DAB1: variants seen among roughly 807,000 people sequenced by gnomAD.
DAB1 encodes the protein DAB adaptor protein 1, also known as disabled homolog 1.
DAB1 carries 15 observed loss-of-function variants against 64.6 expected under a neutral mutation model. The ratio of observed to expected loss-of-function variants is 0.23; its 90% CI spans 0.16 to 0.36. The LOEUF is 0.36. Among genes scored for constraint, DAB1 ranks in the 10% least tolerant of loss-of-function variants. The pLI is 1.00. For missense variants in DAB1, 596 were observed against 706.7 expected (o/e 0.84, Z 1.78); for synonymous variants, 235 against 251.9 (o/e 0.93, Z 0.64).
chr1:58,006,037 C>T (rs1408924), intron 5 of DAB1, among the ~76,000 whole-genome samples: 17 of 151,866 alleles, frequency 1.1e-4, no homozygotes, highest in Non-Finnish European at 1.8e-4. Context: ...GGCAAAATAG[C>T]ACTACTATTG....
intron 1 of DAB1, among the ~76,000 whole-genome samples, chr1:58,545,049 C>T (rs1361130065): frequency 6.6e-6 from 1 of 152,140 alleles, no homozygotes; most frequent in Admixed American, 6.5e-5. Flanking sequence ...GTTGGTTTTC[C>T]ATGGCTTCCA....
chr1:58,539,951 A>G lies in DAB1; in HGVS notation n.32+6752T>C, dbSNP rs561201013. 3.3e-4 allele frequency among the ~76,000 whole-genome samples: 51 copies of G among 152,308 alleles called. No individual in the cohort carries two copies. The Middle Eastern group carries it at 0.01, about 30-fold the overall frequency. ...AAGAGCTGCACAGAGAAATAACTCT[A>G]GAGTTCTGCAGAGAATCCCCCTCCC... On this transcript the variant is annotated intron_variant and non_coding_transcript_variant, in intron 1 of 20. Transcript: ENST00000485760.
intron 3 of DAB1, among the ~76,000 whole-genome samples, chr1:58,369,217 C>A (rs954117818): frequency 2.0e-5 from 3 of 152,094 alleles, no homozygotes; most frequent in Non-Finnish European, 4.4e-5. Flanking sequence ...CTCCATGTTT[C>A]ATATTCCCTC....
At position 58,130,613 on chromosome 1, in the gene DAB1, A is replaced by G. The variant is rs1002515773; in HGVS notation, n.387+19898T>C. Reference sequence around the variant, plus strand: ...GCTGGTACCGGTTGTTCCTTTCCATATTTAGTCCTTCCTTCAGGAGCTCTT... The same window carrying G: ...GCTGGTACCGGTTGTTCCTTTCCATGTTTAGTCCTTCCTTCAGGAGCTCTT... On this transcript the variant is annotated intron_variant and non_coding_transcript_variant, in intron 5 of 20. Coordinates refer to the DAB1 transcript ENST00000485760. Among the ~76,000 whole-genome samples the G allele has an allele frequency of 1.3e-4, 19 of 151,946 alleles. 1 individual carries two copies. The highest frequency in any genetic ancestry group is 2.4e-4 in the Non-Finnish European group (16 of 68,004).
At chr1:57,190,818 C>T (rs1424044322) in intron 2 of DAB1, among the ~76,000 whole-genome samples, 1 of 152,282 alleles carries the variant, frequency 6.6e-6, no homozygotes, top group Admixed American at 6.5e-5. Flanking sequence ...TGATGAGCTA[C>T]ACTGTTGACC....
chr1:57,100,056 G>A (rs974485034), intron 4 of DAB1, among the ~76,000 whole-genome samples: 4 of 152,244 alleles, frequency 2.6e-5, no homozygotes, highest in African/African-American at 7.2e-5. Context: ...GTGATCAAGC[G>A]GTAGATTTGC....
At chr1:57,273,904 C>T (rs748722473) in intron 2 of DAB1, among the ~76,000 whole-genome samples, 37 of 152,124 alleles carry the variant, frequency 2.4e-4, no homozygotes, top group Non-Finnish European at 4.1e-4. Context: ...CCAGGGCCAG[C>T]GGTGAGTCCA....
intron 3 of DAB1, among the ~76,000 whole-genome samples, chr1:58,503,597 G>A (rs534598949): frequency 6.6e-6 from 1 of 152,156 alleles, no homozygotes; most frequent in East Asian, 1.9e-4. Flanking sequence ...TGTCATAAGG[G>A]TGGAGCCCTC....
chr1:57,432,015 A>G (rs1272940346), intron 7 of DAB1, among the ~76,000 whole-genome samples: 1 of 152,006 alleles, frequency 6.6e-6, no homozygotes, highest in Admixed American at 6.6e-5. Context: ...CCAGCTACTC[A>G]GGATGCTGAG....
At chr1:57,947,707 A>T (rs1645204755) in intron 5 of DAB1, among the ~76,000 whole-genome samples, 1 of 152,138 alleles carries the variant, frequency 6.6e-6, no homozygotes, top group Non-Finnish European at 1.5e-5. Context: ...GCCTCAGAAG[A>T]GGGAGAAATT....
rs187721347 is a variant in DAB1 at position 58,048,776 on chromosome 1, G to A, written n.387+101735C>T. 2.8e-4 allele frequency: 340 copies of A among 1,199,738 alleles called. 1 individual carries two copies. In the African/African-American group the frequency reaches 4.7e-3, roughly 16 times the overall value. 74.3% of individuals were successfully genotyped at this position (1,199,738 alleles called of 1,614,324 possible). On this transcript the variant is annotated intron_variant and non_coding_transcript_variant, in intron 5 of 20. Coordinates refer to the DAB1 transcript ENST00000485760. ...AGGGCTTTCCTAACTTCACAGTTGT[G>A]GCCATTCACAGTATAGTATTTCTGA...
chr1:57,273,245 G>A (rs1046139935), intron 2 of DAB1, among the ~76,000 whole-genome samples: 7 of 152,170 alleles, frequency 4.6e-5, no homozygotes, highest in Non-Finnish European at 4.4e-5. Flanking sequence ...TGGGAGTCAC[G>A]AGAATGCACC....
chr1:58,046,858 C>T (rs1331020577), intron 5 of DAB1, among the ~76,000 whole-genome samples: 3 of 152,132 alleles, frequency 2.0e-5, no homozygotes, highest in African/African-American at 7.2e-5. Flanking sequence ...TCTTTAAGTC[C>T]AGGGATACCT....
chr1:58,071,614 G>A (rs1013518342), intron 5 of DAB1: 2 of 152,102 alleles, frequency 1.3e-5, no homozygotes, highest in African/African-American at 4.8e-5. Context: ...ATGAACACAT[G>A]GAAATGATGC....
intron 3 of DAB1, among the ~76,000 whole-genome samples, chr1:58,470,042 G>A (rs1645339037): frequency 6.6e-6 from 1 of 151,858 alleles, no homozygotes; most frequent in African/African-American, 2.4e-5. Flanking sequence ...GAAGTACACT[G>A]AGGCCATTCT....
Position 58,511,107 on chromosome 1 carries a change from TATAGA to T in DAB1, n.108-4903_108-4899del, listed in dbSNP as rs1025655438. ...ATGAAAATCCCATTGGCACTTTTCT[TATAGA>T]AACAGAAAAAACGATCCTAAAATTC... On this transcript the variant is annotated intron_variant and non_coding_transcript_variant, in intron 2 of 20. Transcript: ENST00000485760. Among the ~76,000 whole-genome samples, 185 of 152,238 alleles carry T rather than the reference TATAGA, an allele frequency of 1.2e-3. 1 individual carries two copies. Among genetic ancestry groups the T allele is most frequent in the African/African-American group, 4.4e-3 (181 of 41,562 alleles).
intron 4 of DAB1, among the ~76,000 whole-genome samples, chr1:58,157,594 CA>C (rs1019666001): frequency 4.6e-5 from 7 of 152,150 alleles, no homozygotes; most frequent in Non-Finnish European, 7.4e-5. Context: ...GAAAAGGAGA[CA>C]GCTTGAAAAT....
At chr1:57,204,361 T>C (rs197612) in intron 2 of DAB1, among the ~76,000 whole-genome samples, 143,924 of 151,686 alleles carry the variant, frequency 0.95, 68,354 homozygotes, top group East Asian at 1. Context: ...CTCAGGCTCT[T>C]CCCTGATCTC....
chr1:57,161,728 T>C (rs192625412), intron 2 of DAB1, among the ~76,000 whole-genome samples: 8 of 152,142 alleles, frequency 5.3e-5, no homozygotes, highest in East Asian at 1.9e-4. Flanking sequence ...TTGGAAAGTG[T>C]AGAAGAGAAA....
Sources: allele counts gnomAD v4.1 joint callset (sites outside exome capture counted in the v4.1 genomes callset), GRCh38; gene constraint gnomAD v4.1.1; transcripts MANE v1.5; gene names NCBI Gene and HGNC (gene_info 2026-07-23, HGNC 2026-07-21).